TMEM266: variants seen among roughly 807,000 people sequenced by gnomAD.
TMEM266 encodes Hv1 related protein 1.
In TMEM266, 33 loss-of-function variants were observed where a neutral mutation model predicts 50.5. The observed-to-expected ratio is 0.65, with a 90% CI of 0.50 to 0.87. TMEM266 has a LOEUF of 0.87. Among genes scored for constraint, TMEM266 ranks in the 40% least tolerant of loss-of-function variants. The pLI is 0.00. For missense variants in TMEM266, 655 were observed against 695.1 expected, an observed-to-expected ratio of 0.94 and a Z score of 0.65; for synonymous variants, 310 against 292.3, an observed-to-expected ratio of 1.06 and a Z score of -0.62.
At chr15:76,082,336 T>C (rs2036707441) in intron 1 of TMEM266, among the ~76,000 whole-genome samples, 1 of 152,234 alleles carries the variant, frequency 6.6e-6, no homozygotes, top group Non-Finnish European at 1.5e-5. Context: ...ATGACACTGG[T>C]ATCTGCTTGG....
intron 1 of TMEM266, among the ~76,000 whole-genome samples, chr15:76,089,353 C>T (rs1318145386): frequency 4.6e-5 from 7 of 151,770 alleles, no homozygotes; most frequent in Admixed American, 2.6e-4. Context: ...CCACCACGCC[C>T]GGCTAATTTT....
At chr15:76,060,383 A>C (rs530709585) in intron 1 of TMEM266, among the ~76,000 whole-genome samples, 1 of 148,840 alleles carries the variant, frequency 6.7e-6, no homozygotes. Context: ...TGCTGGGGGG[A>C]ATCCCATTGC....
intron 3 of TMEM266, among the ~76,000 whole-genome samples, chr15:76,143,751 C>A (rs777911233): frequency 1.1e-4 from 16 of 152,118 alleles, no homozygotes; most frequent in Non-Finnish European, 1.8e-4. Flanking sequence ...ATGTTGGGTT[C>A]TTTGTTTTCT....
intron 1 of TMEM266, among the ~76,000 whole-genome samples, chr15:76,086,934 G>GC (rs1449596763): frequency 1.4e-5 from 2 of 146,832 alleles, no homozygotes; most frequent in South Asian, 2.1e-4. Context: ...AGGTCGGGGG[G>GC]GGGGCGGTGG....
At chr15:76,154,058 C>T (rs11857972) in intron 3 of TMEM266, among the ~76,000 whole-genome samples, 3,238 of 152,270 alleles carry the variant, frequency 0.021, 119 homozygotes, top group African/African-American at 0.074. Flanking sequence ...CCAGGGTTCC[C>T]ATGCATTCTC....
intron 1 of TMEM266, among the ~76,000 whole-genome samples, chr15:76,069,805 G>A (rs1472304827): frequency 6.6e-6 from 1 of 151,544 alleles, no homozygotes; most frequent in Non-Finnish European, 1.5e-5. Flanking sequence ...GCAGCCGAGT[G>A]AGGCTCTGTC....
At chr15:76,125,846 T>TA (rs34379905) in intron 1 of TMEM266, among the ~76,000 whole-genome samples, 2,148 of 116,408 alleles carry the variant, frequency 0.018, 42 homozygotes, top group African/African-American at 0.044. Context: ...AGACTCCATG[T>TA]AAAAAAAAAA....
At chr15:76,203,646 C>T in intron 10 of TMEM266, 95 bp from the exon 11 acceptor site, 1 of 1,197,166 alleles carries the variant, frequency 8.4e-7, no homozygotes, top group Non-Finnish European at 1.2e-6. Flanking sequence ...CCTAGCCACA[C>T]TCATTGCCCA....
chr15:76,119,270 C>T lies in TMEM266; in HGVS notation c.-96-14898C>T, dbSNP rs67194855. 6.8e-3 allele frequency among the ~76,000 whole-genome samples: 1,036 copies of T among 151,910 alleles called. 7 individuals carry two copies. Among genetic ancestry groups the T allele is most frequent in the Middle Eastern group, 0.017 (5 of 294 alleles). On this transcript the variant is annotated intron_variant, in intron 1 of 10. Transcript: ENST00000388942. ...CAGATTTAAGCCTGCCATATTTGTA[C>T]CCACTCTACTTGCCAGCTTGTAAGT...
chr15:76,172,016 G>A (rs1232289858), intron 7 of TMEM266, among the ~76,000 whole-genome samples: 1 of 152,160 alleles, frequency 6.6e-6, no homozygotes, highest in African/African-American at 2.4e-5. Flanking sequence ...TCCAGAGGGT[G>A]TCCTTGGTCC....
chr15:76,183,833 A>G (rs1311319299), intron 8 of TMEM266, among the ~76,000 whole-genome samples: 2 of 152,180 alleles, frequency 1.3e-5, no homozygotes, highest in African/African-American at 4.8e-5. Flanking sequence ...TGATGGAGGA[A>G]GATGTGAGGA....
chr15:76,190,932 C>A (rs1169665071), intron 8 of TMEM266, among the ~76,000 whole-genome samples: 1 of 152,172 alleles, frequency 6.6e-6, no homozygotes, highest in Admixed American at 6.5e-5. Flanking sequence ...GCGGGGAACA[C>A]TAGGTGGCGG....
At chr15:76,183,301 A>C (rs2038448187) in intron 8 of TMEM266, among the ~76,000 whole-genome samples, 1 of 151,446 alleles carries the variant, frequency 6.6e-6, no homozygotes, top group African/African-American at 2.4e-5. Context: ...TTTTTAGTAG[A>C]GATGGGGTTT....
intron 4 of TMEM266, among the ~76,000 whole-genome samples, chr15:76,157,561 C>A (rs556734844): frequency 2.0e-5 from 3 of 152,228 alleles, no homozygotes; most frequent in Non-Finnish European, 4.4e-5. Flanking sequence ...GCCTACCCCC[C>A]ACTGTTTGTC....
At position 76,083,053 on chromosome 15, in the gene TMEM266, C is replaced by T. The variant is rs143387268; in HGVS notation, c.-97+23037C>T. Among the ~76,000 whole-genome samples, 1,119 of 152,054 alleles carry T rather than the reference C, an allele frequency of 7.4e-3. 6 individuals are homozygous for T. Among genetic ancestry groups the T allele is most frequent in the Admixed American group, 0.012 (180 of 15,262 alleles). On this transcript the variant is annotated intron_variant, in intron 1 of 10. Coordinates refer to ENST00000388942, the MANE Select transcript of TMEM266 (RefSeq NM_152335.3). Reference sequence around the variant, plus strand: ...CTCACTCGTTACTGTGGGGAGGGAACCTAGCCATTCATGAGGGATCCACCC... The same window carrying T: ...CTCACTCGTTACTGTGGGGAGGGAATCTAGCCATTCATGAGGGATCCACCC...
intron 8 of TMEM266, among the ~76,000 whole-genome samples, chr15:76,187,033 C>T (rs1187528715): frequency 1.3e-5 from 2 of 152,314 alleles, no homozygotes; most frequent in Non-Finnish European, 2.9e-5. Flanking sequence ...GCTGACAGCC[C>T]GCCTTGTTGG....
chr15:76,129,853 T>C (rs1567161378), intron 1 of TMEM266, among the ~76,000 whole-genome samples: 1 of 152,104 alleles, frequency 6.6e-6, no homozygotes, highest in Non-Finnish European at 1.5e-5. Context: ...CTTTGGCTCC[T>C]GATTCAACAA....
At chr15:76,167,196 C>T (rs944746376) in intron 5 of TMEM266, among the ~76,000 whole-genome samples, 2 of 152,046 alleles carry the variant, frequency 1.3e-5, no homozygotes, top group Non-Finnish European at 2.9e-5. Context: ...TATGGCTGGG[C>T]GCGGTGGCTC....
At chr15:76,063,170 A>T (rs2036335681) in intron 1 of TMEM266, among the ~76,000 whole-genome samples, 1 of 152,214 alleles carries the variant, frequency 6.6e-6, no homozygotes, top group Non-Finnish European at 1.5e-5. Flanking sequence ...TCTGTTTCTT[A>T]CTATGGCTGT....
Sources: allele counts gnomAD v4.1 joint callset (sites outside exome capture counted in the v4.1 genomes callset), GRCh38; gene constraint gnomAD v4.1.1; transcripts MANE v1.5; gene names NCBI Gene and HGNC (gene_info 2026-07-23, HGNC 2026-07-21).